CLTRN: variants seen among roughly 807,000 people sequenced by gnomAD.
The protein encoded by CLTRN is collectrin.
Under a neutral mutation model 14.5 loss-of-function variants are expected in CLTRN, and 12 were observed. The observed-to-expected ratio is 0.83, with a 90% CI of 0.53 to 1.34. The LOEUF (loss-of-function observed/expected upper bound fraction) is 1.34, where lower values mean the gene tolerates loss of function less well. Ranked by LOEUF, CLTRN falls within the 40% of genes most tolerant of loss-of-function variation. The pLI is 0.00. For missense variants in CLTRN, 154 were observed against 165.1 expected, an observed-to-expected ratio of 0.93 and a Z score of 0.37; for synonymous variants, 58 against 56.5, an observed-to-expected ratio of 1.03 and a Z score of -0.12.
intron 3 of CLTRN, among the ~76,000 whole-genome samples, chrX:15,650,387 TAAG>T (rs1415115430): frequency 2.7e-5 from 3 of 111,515 alleles, no homozygotes; most frequent in Non-Finnish European, 5.6e-5. Context: ...GCTTCATTGA[TAAG>T]GAGATAACAG....
intron 3 of CLTRN, chrX:15,646,458 A>AACCCCCCCCCCCCCCCCCCCCC: frequency 8.7e-6 from 2 of 228,796 alleles, no homozygotes; most frequent in Non-Finnish European, 1.6e-5. Flanking sequence ...AAAACCGCGC[A>AACCCCCCCCCCCCCCCCCCCCC]CCCACCCCCC....
chrX:15,644,901 T>C lies in CLTRN; in HGVS notation c.317+15A>G, dbSNP rs753101115. 3.6e-6 allele frequency: 4 copies of C among 1,113,134 alleles called. No individual in the cohort carries two copies. Among genetic ancestry groups the C allele is most frequent in the East Asian group, 3.1e-5 (1 of 32,470 alleles). 91.7% of individuals were successfully genotyped at this position (1,113,134 alleles called of 1,213,427 possible). On this transcript the variant is annotated intron_variant, in intron 4 of 5. Coordinates refer to ENST00000380342, the MANE Select transcript of CLTRN (RefSeq NM_020665.6). ...AGTTGATTGACTAATAGAAGGCATATTTAAGGGTGATTACCTTATGGCTGA... is the reference window on the plus strand; with the variant it reads ...AGTTGATTGACTAATAGAAGGCATACTTAAGGGTGATTACCTTATGGCTGA...
chrX:15,665,913 T>C, upstream of CLTRN, among the ~76,000 whole-genome samples: 1 of 111,852 alleles, frequency 8.9e-6, no homozygotes, highest in Non-Finnish European at 1.9e-5. Flanking sequence ...CCAGCTAGGT[T>C]GACTTACACT....
chrX:15,649,073 A>T (rs1457526385), intron 3 of CLTRN, among the ~76,000 whole-genome samples: 1 of 111,850 alleles, frequency 8.9e-6, no homozygotes, highest in Admixed American at 9.5e-5. Context: ...CTGTAAACAA[A>T]GCAAAATCCT....
At chrX:15,662,909 C>G (rs1929541147) in intron 2 of CLTRN, among the ~76,000 whole-genome samples, 1 of 111,410 alleles carries the variant, frequency 9.0e-6, no homozygotes, top group African/African-American at 3.3e-5. Flanking sequence ...TCTCTTTAAG[C>G]TCATCACCTG....
At chrX:15,637,016 A>C (rs998139280) in intron 5 of CLTRN, among the ~76,000 whole-genome samples, 7 of 111,407 alleles carry the variant, frequency 6.3e-5, no homozygotes, top group Non-Finnish European at 1.1e-4. Context: ...ATTGGCAAAG[A>C]TAACAGAATT....
At chrX:15,668,717 T>C (rs1310268727), upstream of CLTRN, among the ~76,000 whole-genome samples, 13 of 111,750 alleles carry the variant, frequency 1.2e-4, no homozygotes, top group Admixed American at 1.2e-3. Context: ...GAAATACATA[T>C]AATGTACCAG....
upstream of CLTRN, among the ~76,000 whole-genome samples, chrX:15,667,535 A>G (rs756640832): frequency 8.9e-6 from 1 of 112,635 alleles, no homozygotes; most frequent in Non-Finnish European, 1.9e-5. Flanking sequence ...ATCACCTGTA[A>G]TTCCATCAGC....
chrX:15,643,290 C>T (rs1161069361), intron 4 of CLTRN, among the ~76,000 whole-genome samples: 1 of 111,827 alleles, frequency 8.9e-6, no homozygotes, highest in Non-Finnish European at 1.9e-5. Flanking sequence ...TTTTTTCACT[C>T]TATCCTTCCT....
chrX:15,651,408 G>A (rs1455302574), intron 3 of CLTRN, among the ~76,000 whole-genome samples: 1 of 110,842 alleles, frequency 9.0e-6, no homozygotes, highest in Non-Finnish European at 1.9e-5. Context: ...GTGGAAGCCA[G>A]TAACCCCCAC....
rs764473697 is a variant in CLTRN at position 15,652,971 on chromosome X, C to T, written c.203+6045G>A. Among the ~76,000 whole-genome samples, 10 of 110,916 alleles carry T rather than the reference C, an allele frequency of 9.0e-5. No individual in the cohort carries two copies. In the South Asian group the frequency reaches 3.9e-3, roughly 43 times the overall value. ...TGGCAGGCACCTGTAATCCTTGCTA[C>T]TCGGGAAACTGAGGCAGGAGAATTG... On this transcript the variant is annotated intron_variant, in intron 3 of 5. Coordinates refer to ENST00000380342, the MANE Select transcript of CLTRN (RefSeq NM_020665.6).
At chrX:15,661,060 T>A (rs1213466209) in intron 2 of CLTRN, among the ~76,000 whole-genome samples, 2 of 111,769 alleles carry the variant, frequency 1.8e-5, no homozygotes, top group African/African-American at 6.5e-5. Context: ...TTATTCAGAA[T>A]AAGAGTAGCT....
intron 4 of CLTRN, among the ~76,000 whole-genome samples, chrX:15,641,636 C>CTCTGTGTGTG (rs776589117): frequency 3.4e-5 from 3 of 88,492 alleles, no homozygotes; most frequent in African/African-American, 1.3e-4. Context: ...CCACACCTGG[C>CTCTGTGTGTG]TGTGTGTGTG....
intron 3 of CLTRN, 27 bp from the exon 4 acceptor site, chrX:15,645,056 A>G (rs757908162): frequency 2.1e-6 from 2 of 963,724 alleles, no homozygotes; most frequent in African/African-American, 1.9e-5. Flanking sequence ...GAAAAAATAC[A>G]TGAGAAGAAT....
At chrX:15,669,692 A>G (rs1355914213), upstream of CLTRN, among the ~76,000 whole-genome samples, 3 of 112,066 alleles carry the variant, frequency 2.7e-5, no homozygotes, top group African/African-American at 9.7e-5. Context: ...ATTCGTATAA[A>G]TACGTGGGCG....
intron 4 of CLTRN, among the ~76,000 whole-genome samples, chrX:15,642,532 A>G (rs942268069): frequency 2.7e-5 from 3 of 112,357 alleles, no homozygotes; most frequent in African/African-American, 9.7e-5. Flanking sequence ...GACCTTTGAA[A>G]TAGACATTTT....
At chrX:15,655,364 G>A (rs773705941) in intron 3 of CLTRN, among the ~76,000 whole-genome samples, 6 of 112,011 alleles carry the variant, frequency 5.4e-5, no homozygotes, top group South Asian at 3.7e-4. Flanking sequence ...GCTCCTGTGG[G>A]GCCTTCAAGG....
intron 5 of CLTRN, among the ~76,000 whole-genome samples, chrX:15,629,646 A>T (rs1162338905): frequency 9.0e-6 from 1 of 111,592 alleles, no homozygotes; most frequent in Non-Finnish European, 1.9e-5. Flanking sequence ...AGGAACAGAA[A>T]ATCACCATAT....
At chrX:15,665,648 G>A (rs1053137800), upstream of CLTRN, among the ~76,000 whole-genome samples, 10 of 112,481 alleles carry the variant, frequency 8.9e-5, no homozygotes, top group African/African-American at 3.2e-4. Flanking sequence ...CACTGGAAAT[G>A]GAGCTAGTGT....
Sources: gnomAD v4.1 joint callset for allele counts (sites outside exome capture counted in the v4.1 genomes callset) on GRCh38, gnomAD v4.1.1 for gene constraint, MANE v1.5 for transcripts, NCBI Gene and HGNC (gene_info 2026-07-23, HGNC 2026-07-21) for gene names.